EPB41: variants seen among roughly 807,000 people sequenced by gnomAD.
The protein encoded by EPB41 is erythrocyte membrane protein band 4.1, also known as protein 4.1.
In EPB41, 65 loss-of-function variants were observed where a neutral mutation model predicts 108.0. The observed-to-expected ratio is 0.60, with a 90% CI of 0.49 to 0.74. The LOEUF (loss-of-function observed/expected upper bound fraction) is 0.74, where lower values mean the gene tolerates loss of function less well. Ranked by LOEUF, EPB41 falls within the 30% of genes least tolerant of loss-of-function variation. The pLI is 0.00. For missense variants in EPB41, 875 were observed against 1,037.0 expected, an observed-to-expected ratio of 0.84 and a Z score of 2.15; for synonymous variants, 336 against 358.9, an observed-to-expected ratio of 0.94 and a Z score of 0.72.
chr1:28,950,995 C>G (rs2094697874), intron 1 of EPB41, among the ~76,000 whole-genome samples: 1 of 152,224 alleles, frequency 6.6e-6, no homozygotes, highest in African/African-American at 2.4e-5. Context: ...GCCACTACGC[C>G]TGGCTAATTT....
intron 1 of EPB41, among the ~76,000 whole-genome samples, chr1:28,909,251 AT>A (rs2147989406): frequency 6.6e-6 from 1 of 152,138 alleles, no homozygotes; most frequent in Non-Finnish European, 1.5e-5. Context: ...ACATTTGATC[AT>A]TTTTAACCTA....
intron 5 of EPB41, among the ~76,000 whole-genome samples, chr1:29,013,316 T>A (rs1409038553): frequency 1.4e-5 from 2 of 143,648 alleles, no homozygotes; most frequent in South Asian, 4.3e-4. Context: ...AGAGCAAGAC[T>A]CCATCTCAAA....
At chr1:29,019,507 G>T (rs2096616657) in intron 7 of EPB41, among the ~76,000 whole-genome samples, 1 of 152,266 alleles carries the variant, frequency 6.6e-6, no homozygotes, top group South Asian at 2.1e-4. Flanking sequence ...TGAGTGACTT[G>T]CTATAGCTTA....
intron 18 of EPB41, among the ~76,000 whole-genome samples, chr1:29,110,017 G>T (rs115551772): frequency 6.6e-6 from 1 of 151,656 alleles, no homozygotes; most frequent in Non-Finnish European, 1.5e-5. Flanking sequence ...CTGGGTGAGC[G>T]AGCAGACTCT....
intron 15 of EPB41, among the ~76,000 whole-genome samples, chr1:29,063,759 A>G (rs945535133): frequency 1.3e-5 from 2 of 152,208 alleles, no homozygotes; most frequent in African/African-American, 2.4e-5. Context: ...AGAATTTTTT[A>G]CAGTCATCAA....
In EPB41 at chr1:29,092,499, G is replaced by A. The variant is rs1661627506; in HGVS notation, c.2185-5308G>A. Reference sequence around the variant, plus strand: ...TGGCTTATATACAGCTCTCTGGTGAGCACATGCAGATGTCACTTGCCATAA... The same window carrying A: ...TGGCTTATATACAGCTCTCTGGTGAACACATGCAGATGTCACTTGCCATAA... On this transcript the variant is annotated intron_variant, in intron 16 of 20. Coordinates refer to ENST00000343067, the MANE Select transcript of EPB41 (RefSeq NM_001376013.1). Among the ~76,000 whole-genome samples, 4 of 152,268 alleles carry A rather than the reference G, an allele frequency of 2.6e-5. No homozygotes were observed. The South Asian group carries it at 6.2e-4, about 24-fold the overall frequency.
chr1:28,998,216 T>C (rs1037469315), intron 4 of EPB41, among the ~76,000 whole-genome samples: 1 of 152,116 alleles, frequency 6.6e-6, no homozygotes, highest in Non-Finnish European at 1.5e-5. Flanking sequence ...GAGAGAGACC[T>C]GAAGGATAAA....
Position 29,022,910 on chromosome 1 carries a change from A to G in EPB41, c.1124+4468A>G, listed in dbSNP as rs574781466. Among the ~76,000 whole-genome samples, 60 of 152,144 alleles carry G rather than the reference A, an allele frequency of 3.9e-4. 2 individuals are homozygous for G. Among genetic ancestry groups the G allele is most frequent in the African/African-American group, 1.4e-3 (58 of 41,400 alleles). On this transcript the variant is annotated intron_variant, in intron 7 of 20. Coordinates refer to ENST00000343067, the MANE Select transcript of EPB41 (RefSeq NM_001376013.1). ...AAGAGATTTGTAAATATGTAAAGCA[A>G]AGTTACCTTTTCATCACTGTTTCAG...
At chr1:29,013,838 T>TG (rs1558022558) in intron 5 of EPB41, among the ~76,000 whole-genome samples, 1 of 112,828 alleles carries the variant, frequency 8.9e-6, no homozygotes, top group African/African-American at 3.3e-5. Flanking sequence ...CCTTAAGTTT[T>TG]TTTTTTTTTT....
intron 1 of EPB41, among the ~76,000 whole-genome samples, chr1:28,971,595 C>T (rs2095498187): frequency 6.6e-6 from 1 of 152,188 alleles, no homozygotes; most frequent in African/African-American, 2.4e-5. Context: ...TGCTTGTTGG[C>T]AGGCCACTTT....
rs1444309074 is a variant in EPB41 at position 28,887,719 on chromosome 1, G to T, written c.-8+509G>T. ...CTTACGTAACTGACTTTGAGTTTCC[G>T]GACCCAGGAACCGACCCGCCAGCTG... On this transcript the variant is annotated intron_variant, in intron 1 of 16. Coordinates refer to the EPB41 transcript ENST00000347529. This position sits in a 1 kb window ranked among gnomAD's most constrained non-coding sequence, Gnocchi z 4.9. 1.0e-6 allele frequency: 1 copy of T among 983,650 alleles called. No individual in the cohort carries two copies. Among genetic ancestry groups the T allele is most frequent in the African/African-American group, 1.7e-5 (1 of 57,308 alleles). The allele number at this position is 983,650 out of a possible 1,614,324, so 60.9% of individuals were successfully genotyped here.
rs116511764 is a variant in EPB41 at position 28,937,237 on chromosome 1, T to C, written c.-8+22469T>C. Among the ~76,000 whole-genome samples, 1,293 of 152,348 alleles carry C rather than the reference T, an allele frequency of 8.5e-3. 12 individuals carry two copies. The highest frequency in any genetic ancestry group is 0.078 in the Middle Eastern group (23 of 294). ...TCTTGTGAAATGTCTGTTCAAGTACTTTGCTCATTTACATTGTGTTATTTG... is the reference window on the plus strand; with the variant it reads ...TCTTGTGAAATGTCTGTTCAAGTACCTTGCTCATTTACATTGTGTTATTTG... On this transcript the variant is annotated intron_variant, in intron 1 of 20. Transcript: ENST00000343067.
rs534329929 is a variant in EPB41 at position 28,944,174 on chromosome 1, G to A, written c.-8+29406G>A. ...TAAAAATCAAAACAATTGAACTCACGGACAGAGAGAGAAGGATGGCTACCA... is the reference window on the plus strand; with the variant it reads ...TAAAAATCAAAACAATTGAACTCACAGACAGAGAGAGAAGGATGGCTACCA... On this transcript the variant is annotated intron_variant, in intron 1 of 20. Transcript: ENST00000343067. 2.6e-5 allele frequency among the ~76,000 whole-genome samples: 4 copies of A among 152,138 alleles called. No individual in the cohort carries two copies. In the South Asian group the frequency reaches 6.2e-4, roughly 24 times the overall value.
chr1:28,997,652 TA>T (rs1165872907), intron 4 of EPB41, among the ~76,000 whole-genome samples: 8 of 152,088 alleles, frequency 5.3e-5, no homozygotes, highest in Non-Finnish European at 8.8e-5. Flanking sequence ...ATCTAATGCA[TA>T]GGTTTATAAC....
chr1:29,024,000 A>G (rs1308358127), intron 7 of EPB41, among the ~76,000 whole-genome samples: 2 of 152,108 alleles, frequency 1.3e-5, no homozygotes, highest in East Asian at 1.9e-4. Flanking sequence ...AGTGATTAGT[A>G]CAATGACAGT....
chr1:28,904,227 G>A (rs555298927), intron 1 of EPB41, among the ~76,000 whole-genome samples: 1 of 142,768 alleles, frequency 7.0e-6, no homozygotes, highest in South Asian at 2.3e-4. Context: ...GGATCATAAT[G>A]ATGGCTGTTA....
intron 14 of EPB41, 78 bp from the exon 15 acceptor site, chr1:29,060,344 C>A: frequency 1.4e-6 from 2 of 1,442,990 alleles, no homozygotes; most frequent in South Asian, 2.3e-5. Context: ...TTTGGTTTGC[C>A]AATTTTCAGT....
Position 28,901,467 on chromosome 1 carries a change from C to T in EPB41, c.-8+14257C>T, listed in dbSNP as rs369168516. On this transcript the variant is annotated intron_variant, in intron 1 of 16. Coordinates refer to the EPB41 transcript ENST00000347529. Reference sequence around the variant, plus strand: ...CTCGATCTCTTGACCTCATGATCCGCGAGCCTCAGCCTCCCAAAGTGTTGG... The same window carrying T: ...CTCGATCTCTTGACCTCATGATCCGTGAGCCTCAGCCTCCCAAAGTGTTGG... Among the ~76,000 whole-genome samples, 44 of 151,940 alleles carry T rather than the reference C, an allele frequency of 2.9e-4. No individual in the cohort carries two copies. The East Asian group carries it at 4.7e-3, about 16-fold the overall frequency.
chr1:29,056,255 C>CAACAA (rs1184414197), intron 12 of EPB41, among the ~76,000 whole-genome samples: 47 of 146,722 alleles, frequency 3.2e-4, no homozygotes, highest in African/African-American at 8.0e-4. Context: ...AAACAAAAAA[C>CAACAA]AACAAAACAA....
Sources: gnomAD v4.1 joint callset for allele counts (sites outside exome capture counted in the v4.1 genomes callset) on GRCh38, gnomAD v4.1.1 for gene constraint, Gnocchi (gnomAD v3.1) non-coding constraint, MANE v1.5 for transcripts, NCBI Gene and HGNC (gene_info 2026-07-23, HGNC 2026-07-21) for gene names.